Variants in HDX observed in about 807,000 individuals in gnomAD.
HDX encodes the protein highly divergent homeobox, also known as chromosome X open reading frame 43.
In HDX, 19 loss-of-function variants were observed where a neutral mutation model predicts 45.2. The ratio of observed to expected loss-of-function variants is 0.42; its 90% CI spans 0.29 to 0.62. The LOEUF (loss-of-function observed/expected upper bound fraction) is 0.62. Ranked by LOEUF, HDX falls within the 20% of genes least tolerant of loss-of-function variation. The pLI is 0.20. For missense variants in HDX, 532 were observed against 493.9 expected (o/e 1.08, Z -0.73); for synonymous variants, 188 against 172.8 (o/e 1.09, Z -0.69).
intron 6 of HDX, among the ~76,000 whole-genome samples, chrX:84,345,153 A>G (rs900893452): frequency 9.0e-6 from 1 of 111,539 alleles, no homozygotes; most frequent in African/African-American, 3.2e-5. Flanking sequence ...TTTTAGAGTA[A>G]TGGGAAGTTT....
At chrX:84,440,811 G>T (rs953984936) in intron 4 of HDX, among the ~76,000 whole-genome samples, 28 of 111,207 alleles carry the variant, frequency 2.5e-4, no homozygotes, top group African/African-American at 8.1e-4. Flanking sequence ...CAAAAGAAAG[G>T]TTCTAAGGCA....
chrX:84,420,158 C>T (rs749242923), intron 5 of HDX, among the ~76,000 whole-genome samples: 1 of 111,803 alleles, frequency 8.9e-6, no homozygotes, highest in South Asian at 3.7e-4. Context: ...AAATAATGCA[C>T]CAGGGACCAA....
chrX:84,451,034 G>A (rs902946963), intron 4 of HDX, among the ~76,000 whole-genome samples: 2 of 111,494 alleles, frequency 1.8e-5, no homozygotes, highest in Admixed American at 1.9e-4. Flanking sequence ...TACAGCAAAA[G>A]CAATGCTAAT....
chrX:84,462,860 T>C (rs960722957), intron 4 of HDX, among the ~76,000 whole-genome samples: 3 of 111,321 alleles, frequency 2.7e-5, no homozygotes, highest in African/African-American at 9.8e-5. Flanking sequence ...ATATGAAGTA[T>C]TAATGCATGC....
chrX:84,322,941 G>T (rs2036627281), intron 10 of HDX, among the ~76,000 whole-genome samples: 1 of 110,582 alleles, frequency 9.0e-6, no homozygotes, highest in Non-Finnish European at 1.9e-5. Flanking sequence ...AAGACCAAGG[G>T]AACAGGAAGA....
intron 5 of HDX, among the ~76,000 whole-genome samples, chrX:84,439,218 T>C (rs760213217): frequency 3.1e-4 from 35 of 111,954 alleles, no homozygotes; most frequent in African/African-American, 1.0e-3. Context: ...GAAAAGTGCC[T>C]GTTCATGTCT....
chrX:84,342,239 C>T (rs1229250204), intron 7 of HDX, among the ~76,000 whole-genome samples: 1 of 111,494 alleles, frequency 9.0e-6, no homozygotes, highest in East Asian at 2.8e-4. Context: ...ATTCATCTTC[C>T]TACAGTATTC....
At chrX:84,416,682 A>G (rs2039110402) in intron 5 of HDX, among the ~76,000 whole-genome samples, 1 of 111,577 alleles carries the variant, frequency 9.0e-6, no homozygotes, top group Admixed American at 9.5e-5. Context: ...AACCACATAT[A>G]TAGGCTTAAA....
intron 5 of HDX, among the ~76,000 whole-genome samples, chrX:84,376,041 G>A (rs1426915215): frequency 1.8e-5 from 2 of 112,180 alleles, no homozygotes; most frequent in African/African-American, 6.5e-5. Context: ...CCCCCTAAAA[G>A]GACACTAATT....
intron 4 of HDX, among the ~76,000 whole-genome samples, chrX:84,455,187 A>G (rs755940238): frequency 8.9e-6 from 1 of 111,777 alleles, no homozygotes; most frequent in South Asian, 3.8e-4. Flanking sequence ...ATCCACAACC[A>G]TCAAGGCCAT....
chrX:84,368,261 T>C (rs2037808922), intron 5 of HDX, among the ~76,000 whole-genome samples: 1 of 111,866 alleles, frequency 8.9e-6, no homozygotes, highest in Non-Finnish European at 1.9e-5. Flanking sequence ...TCTTTATTTT[T>C]AAAATTTCTA....
intron 5 of HDX, among the ~76,000 whole-genome samples, chrX:84,405,009 T>C (rs2038786722): frequency 9.0e-6 from 1 of 111,166 alleles, no homozygotes; most frequent in African/African-American, 3.3e-5. Context: ...AGTTGAAATT[T>C]TACCAGTACT....
intron 5 of HDX, among the ~76,000 whole-genome samples, chrX:84,367,397 G>C (rs2037784945): frequency 8.9e-6 from 1 of 112,102 alleles, no homozygotes; most frequent in Non-Finnish European, 1.9e-5. Context: ...TTTTACACTG[G>C]TGGTGGGAGT....
intron 5 of HDX, among the ~76,000 whole-genome samples, chrX:84,364,972 C>T (rs772912686): frequency 9.0e-5 from 10 of 111,232 alleles, no homozygotes; most frequent in Non-Finnish European, 1.9e-4. Flanking sequence ...TTCCATTGTA[C>T]ATATATGAAA....
Position 84,348,036 on chromosome X carries a change from T to G in HDX, c.1453-3579A>C, listed in dbSNP as rs184481211. On this transcript the variant is annotated intron_variant, in intron 6 of 10. Transcript: ENST00000373177. ...TAGGGAAAATTCTCAGTTATTATGG[T>G]TTTGAATATTTCTTCTGTTCTATTT... 2.6e-3 allele frequency among the ~76,000 whole-genome samples: 294 copies of G among 111,492 alleles called. 2 individuals carry two copies. Among genetic ancestry groups the G allele is most frequent in the African/African-American group, 9.3e-3 (285 of 30,790 alleles).
At chrX:84,405,588 C>CTTTTTTTTTTTTTTTT (rs55758874) in intron 5 of HDX, among the ~76,000 whole-genome samples, 1 of 58,207 alleles carries the variant, frequency 1.7e-5, no homozygotes. Flanking sequence ...GGATTTTCTG[C>CTTTTTTTTTTTTTTTT]TTTTTTTTTT....
intron 2 of HDX, among the ~76,000 whole-genome samples, chrX:84,481,842 A>G (rs1453137319): frequency 1.8e-5 from 2 of 111,416 alleles, no homozygotes; most frequent in African/African-American, 6.5e-5. Flanking sequence ...CCCAGTAGGT[A>G]GTTTTTCAAA....
chrX:84,450,010 A>G (rs1443441537), intron 4 of HDX, among the ~76,000 whole-genome samples: 1 of 110,698 alleles, frequency 9.0e-6, no homozygotes. Flanking sequence ...ATGTTAAATG[A>G]TGAGCTAATG....
At chrX:84,370,988 C>A (rs2037879145) in intron 5 of HDX, among the ~76,000 whole-genome samples, 1 of 112,280 alleles carries the variant, frequency 8.9e-6, no homozygotes, top group African/African-American at 3.2e-5. Flanking sequence ...CAAAACAAAA[C>A]AAAATATCAC....
Sources: gnomAD v4.1 joint callset for allele counts (sites outside exome capture counted in the v4.1 genomes callset) on GRCh38, gnomAD v4.1.1 for gene constraint, MANE v1.5 for transcripts, NCBI Gene and HGNC (gene_info 2026-07-23, HGNC 2026-07-21) for gene names.